The following TRABD2B variants were observed in gnomAD, a reference collection of about 807,000 sequenced individuals.
TRABD2B encodes the protein metalloprotease TIKI2.
TRABD2B carries 14 observed loss-of-function variants against 40.1 expected under a neutral mutation model. That is an observed-to-expected ratio of 0.35 (90% CI 0.23 to 0.55). The LOEUF is 0.55. Ranked by LOEUF, TRABD2B falls within the 20% of genes least tolerant of loss-of-function variation. TRABD2B has a pLI of 0.90. For missense variants in TRABD2B, 541 were observed against 648.6 expected, an observed-to-expected ratio of 0.83 and a Z score of 1.80; for synonymous variants, 263 against 277.0, an observed-to-expected ratio of 0.95 and a Z score of 0.50.
chr1:47,849,902 T>C (rs892164786), intron 2 of TRABD2B, among the ~76,000 whole-genome samples: 2 of 152,208 alleles, frequency 1.3e-5, no homozygotes, highest in Non-Finnish European at 2.9e-5. Flanking sequence ...GATGGGACAT[T>C]TGGCTTAACC....
chr1:47,990,790 T>C (rs1169151559), intron 2 of TRABD2B, among the ~76,000 whole-genome samples: 3 of 33,246 alleles, frequency 9.0e-5, no homozygotes, highest in Admixed American at 3.1e-4. Flanking sequence ...TATATATATA[T>C]ATATATATAT....
intron 2 of TRABD2B, among the ~76,000 whole-genome samples, chr1:47,951,710 C>T (rs1448789716): frequency 6.6e-6 from 1 of 152,170 alleles, no homozygotes; most frequent in East Asian, 1.9e-4. Context: ...CCTAGTAGCC[C>T]GGTGTCCTCT....
intron 2 of TRABD2B, among the ~76,000 whole-genome samples, chr1:47,878,258 G>A (rs1644251952): frequency 6.6e-6 from 1 of 152,198 alleles, no homozygotes; most frequent in South Asian, 2.1e-4. Context: ...GGAGGTTGCA[G>A]TGAGCCGAGG....
At chr1:47,779,873 C>T (rs1456583228) in intron 4 of TRABD2B, among the ~76,000 whole-genome samples, 2 of 152,186 alleles carry the variant, frequency 1.3e-5, no homozygotes, top group African/African-American at 2.4e-5. Context: ...CTGACAGCCC[C>T]AGGGAGGTCT....
At chr1:47,897,399 G>T (rs77744576) in intron 2 of TRABD2B, among the ~76,000 whole-genome samples, 2 of 152,066 alleles carry the variant, frequency 1.3e-5, no homozygotes, top group African/African-American at 4.8e-5. Context: ...AGTAACCTGC[G>T]GAATGGCCCT....
At chr1:47,905,436 G>A (rs1644662310) in intron 2 of TRABD2B, among the ~76,000 whole-genome samples, 1 of 152,138 alleles carries the variant, frequency 6.6e-6, no homozygotes, top group African/African-American at 2.4e-5. Flanking sequence ...CTTTGGGCCT[G>A]TTTCTGGTTG....
At chr1:47,774,141 A>G (rs1644411957) in intron 6 of TRABD2B, among the ~76,000 whole-genome samples, 1 of 152,072 alleles carries the variant, frequency 6.6e-6, no homozygotes, top group Non-Finnish European at 1.5e-5. Context: ...CCCTTGTCCT[A>G]CACATTCTGA....
At chr1:47,827,221 C>A in intron 2 of TRABD2B, among the ~76,000 whole-genome samples, 1 of 152,346 alleles carries the variant, frequency 6.6e-6, no homozygotes, top group East Asian at 1.9e-4. Flanking sequence ...ATGGAGGAGA[C>A]AGCCAGGGAA....
chr1:47,856,877 G>A (rs1441794025), intron 2 of TRABD2B, among the ~76,000 whole-genome samples: 1 of 152,234 alleles, frequency 6.6e-6, no homozygotes. Context: ...GGTAAGATGT[G>A]AGCCTGGAAA....
chr1:47,786,855 A>G (rs1644602304), intron 4 of TRABD2B, among the ~76,000 whole-genome samples: 1 of 152,016 alleles, frequency 6.6e-6, no homozygotes, highest in African/African-American at 2.4e-5. Context: ...ATGCATCACC[A>G]TGACTATGAC....
chr1:47,795,613 CTGA>C (rs1644737820), intron 3 of TRABD2B: 1 of 978,064 alleles, frequency 1.0e-6, no homozygotes, highest in African/African-American at 1.7e-5. Context: ...TAAGATGAAA[CTGA>C]TGATATTGTG....
chr1:47,820,782 CCACACACACACACACACA>C (rs56348753), intron 2 of TRABD2B, among the ~76,000 whole-genome samples: 6 of 147,108 alleles, frequency 4.1e-5, no homozygotes, highest in South Asian at 2.2e-4. Flanking sequence ...TTCACACACA[CCACACACACACACACACA>C]CACACACACA....
At position 47,997,069 on chromosome 1, in the gene TRABD2B, G is replaced by A; in HGVS notation, c.-280C>T. On this transcript the variant is annotated 5_prime_UTR_variant, in exon 1 of 7. Transcript: ENST00000606738. ...CCCCGGGTGCTGAGGGCGTGTTGGG[G>A]TCCGGGGGCGCGCGGGGTCCCGGAG... 1.0e-6 allele frequency: 1 copy of A among 984,540 alleles called. No individual in the cohort carries two copies. Among genetic ancestry groups the A allele is most frequent in the Non-Finnish European group, 1.2e-6 (1 of 829,560 alleles). The allele number at this position is 984,540 out of a possible 1,614,324, so 61.0% of individuals were successfully genotyped here. A position where few individuals can be genotyped will look rare whatever the true frequency, so the allele number is the denominator to read the frequency against.
At chr1:47,966,587 G>C (rs1462400876) in intron 2 of TRABD2B, among the ~76,000 whole-genome samples, 1 of 152,086 alleles carries the variant, frequency 6.6e-6, no homozygotes, top group Non-Finnish European at 1.5e-5. Context: ...ACACAGCTTT[G>C]CCAATCTCAA....
At chr1:47,963,288 T>C (rs115721134) in intron 2 of TRABD2B, among the ~76,000 whole-genome samples, 1,703 of 152,252 alleles carry the variant, frequency 0.011, 14 homozygotes, top group Non-Finnish European at 0.017. Flanking sequence ...AGATGGCAGG[T>C]GACATCTGGA....
intron 4 of TRABD2B, among the ~76,000 whole-genome samples, chr1:47,783,255 G>A (rs557134529): frequency 1.4e-4 from 21 of 150,808 alleles, no homozygotes; most frequent in Admixed American, 2.6e-4. Flanking sequence ...AGTAGGGAGA[G>A]AGGGAAGAAG....
intron 2 of TRABD2B, among the ~76,000 whole-genome samples, chr1:47,979,089 C>T (rs1645803116): frequency 6.6e-6 from 1 of 152,126 alleles, no homozygotes; most frequent in African/African-American, 2.4e-5. Context: ...TGGTCACGGC[C>T]TCCCAAAGCC....
At chr1:47,809,909 G>T (rs1165667960) in intron 2 of TRABD2B, among the ~76,000 whole-genome samples, 1 of 152,180 alleles carries the variant, frequency 6.6e-6, no homozygotes, top group Non-Finnish European at 1.5e-5. Flanking sequence ...CCTTTGAAAA[G>T]AACTAATTTA....
At chr1:47,796,019 G>A (rs1378697433) in intron 3 of TRABD2B, among the ~76,000 whole-genome samples, 1 of 152,112 alleles carries the variant, frequency 6.6e-6, no homozygotes, top group Non-Finnish European at 1.5e-5. Context: ...CCAACAGCCG[G>A]CACAAAGAAG....
Sources: gnomAD v4.1 joint callset for allele counts (sites outside exome capture counted in the v4.1 genomes callset) on GRCh38, gnomAD v4.1.1 for gene constraint, MANE v1.5 for transcripts, NCBI Gene and HGNC (gene_info 2026-07-23, HGNC 2026-07-21) for gene names.